Variants in ETFA observed in about 807,000 individuals in gnomAD.
The protein encoded by ETFA is electron transfer flavoprotein subunit alpha.
Under a neutral mutation model 46.2 loss-of-function variants are expected in ETFA, and 22 were observed. The ratio of observed to expected loss-of-function variants is 0.48; its 90% CI spans 0.34 to 0.68. ETFA has a LOEUF of 0.68. ETFA is among the 30% of genes least tolerant of loss of function. ETFA has a pLI of 0.01. For synonymous variants in ETFA, 131 were observed against 139.9 expected (o/e 0.94, Z 0.45); for missense variants, 345 against 401.1 (o/e 0.86, Z 1.19).
chr15:76,234,566 T>A (rs2456058), intron 9 of ETFA, among the ~76,000 whole-genome samples: 9 of 152,032 alleles, frequency 5.9e-5, no homozygotes, highest in African/African-American at 2.2e-4. Context: ...CAAGGCGTGG[T>A]GGGGGACGGT....
intron 11 of ETFA, 37 bp from the exon 12 acceptor site, chr15:76,216,634 G>A (rs1424985680): frequency 3.7e-6 from 5 of 1,358,570 alleles, no homozygotes; most frequent in Non-Finnish European, 4.2e-6. Flanking sequence ...AGCAACTAGA[G>A]CCTTCACTGT....
intron 1 of ETFA, among the ~76,000 whole-genome samples, chr15:76,297,733 T>G (rs1313100489): frequency 6.6e-6 from 1 of 152,196 alleles, no homozygotes; most frequent in African/African-American, 2.4e-5. Flanking sequence ...AAAGAACATA[T>G]TTAAGAACCC....
chr15:76,253,090 A>C (rs2039316169), intron 9 of ETFA, among the ~76,000 whole-genome samples: 1 of 152,094 alleles, frequency 6.6e-6, no homozygotes, highest in Admixed American at 6.6e-5. Context: ...TACTGCTTTT[A>C]ATTTTCAACT....
chr15:76,297,937 T>C (rs1453249916), intron 1 of ETFA, among the ~76,000 whole-genome samples: 1 of 152,116 alleles, frequency 6.6e-6, no homozygotes, highest in Non-Finnish European at 1.5e-5. Flanking sequence ...AATTCAGCAA[T>C]AGCGGTTGTG....
At chr15:76,231,232 T>G in intron 10 of ETFA, 101 bp downstream of exon 10, 1 of 794,296 alleles carries the variant, frequency 1.3e-6, no homozygotes, top group Non-Finnish European at 2.3e-6. Flanking sequence ...TTAGTGTGAA[T>G]GGCTTGACTA....
At chr15:76,281,383 C>G (rs1045250243) in intron 8 of ETFA, among the ~76,000 whole-genome samples, 5 of 152,078 alleles carry the variant, frequency 3.3e-5, no homozygotes, top group Non-Finnish European at 5.9e-5. Flanking sequence ...CTCCACCCCC[C>G]ATAACCCATC....
chr15:76,258,625 A>G (rs925125704), intron 9 of ETFA, among the ~76,000 whole-genome samples: 2 of 152,254 alleles, frequency 1.3e-5, no homozygotes, highest in African/African-American at 4.8e-5. Flanking sequence ...CAGCAGGAGC[A>G]GCTCAGCGGG....
At chr15:76,259,988 C>T in intron 9 of ETFA, 1 of 1,453,690 alleles carries the variant, frequency 6.9e-7, no homozygotes, top group Non-Finnish European at 9.6e-7. Flanking sequence ...TGGTCAAACT[C>T]CTTCATGCAA....
intron 2 of ETFA, among the ~76,000 whole-genome samples, chr15:76,294,024 G>A (rs968798590): frequency 9.2e-5 from 14 of 152,160 alleles, no homozygotes; most frequent in Admixed American, 2.0e-4. Context: ...AGAATAACTT[G>A]CTGTTTATGA....
Position 76,225,873 on chromosome 15 carries a change from A to G in ETFA, c.939T>C (p.Tyr313=), listed in dbSNP as rs2038998943. The part of the protein sequence containing the change: ...PEAPIFQVAD[Y]GIVADLFKVV... ...CCTTAAATAAATCTGCAACTATTCC[A>G]TAATCTGCCACTTGGAAAATTGGAG... is the stretch of plus-strand genomic sequence containing the variant. The change falls in exon 11 of 12, where the codon TAT becomes TAC. Residue 313 remains tyrosine, a synonymous_variant. Transcript: ENST00000557943. 1 of 1,610,774 alleles carries G rather than the reference A, an allele frequency of 6.2e-7. No individual in the cohort carries two copies. Among genetic ancestry groups the G allele is most frequent in the African/African-American group, 1.3e-5 (1 of 74,978 alleles).
chr15:76,244,475 C>T (rs1693068173), intron 9 of ETFA, among the ~76,000 whole-genome samples: 1 of 152,066 alleles, frequency 6.6e-6, no homozygotes, highest in Admixed American at 6.5e-5. Context: ...TGTTATTAAA[C>T]TCTTCTTCTC....
At chr15:76,240,856 G>A (rs1370524703) in intron 9 of ETFA, among the ~76,000 whole-genome samples, 2 of 151,684 alleles carry the variant, frequency 1.3e-5, no homozygotes, top group African/African-American at 4.8e-5. Context: ...AGGCTGCAGT[G>A]AACTATGGTC....
At chr15:76,277,280 A>C (rs765661503) in intron 8 of ETFA, among the ~76,000 whole-genome samples, 7 of 152,164 alleles carry the variant, frequency 4.6e-5, no homozygotes, top group Non-Finnish European at 1.0e-4. Flanking sequence ...CCCACAAGTT[A>C]ATCTCTGGTT....
At chr15:76,236,533 AC>A (rs1399657825) in intron 9 of ETFA, among the ~76,000 whole-genome samples, 3 of 152,166 alleles carry the variant, frequency 2.0e-5, no homozygotes, top group Non-Finnish European at 4.4e-5. Context: ...AGATCTAAAG[AC>A]AGAATGGCAT....
At chr15:76,260,010 G>A in intron 9 of ETFA, 1 of 1,472,696 alleles carries the variant, frequency 6.8e-7, no homozygotes, top group Non-Finnish European at 9.5e-7. Context: ...CTGCTTTCCT[G>A]AGGAACTCTT....
intron 4 of ETFA, among the ~76,000 whole-genome samples, chr15:76,290,406 G>A (rs2039749987): frequency 7.2e-6 from 1 of 139,400 alleles, no homozygotes; most frequent in Non-Finnish European, 1.5e-5. Context: ...GTGCAGCAGT[G>A]TAATCTCAGC....
chr15:76,266,302 TAAC>T (rs1457766120), intron 9 of ETFA, among the ~76,000 whole-genome samples: 3 of 152,148 alleles, frequency 2.0e-5, no homozygotes, highest in African/African-American at 4.8e-5. Context: ...CCATAAATAA[TAAC>T]AAACCAGTGC....
At chr15:76,308,801 G>C (rs913595029) in intron 1 of ETFA, among the ~76,000 whole-genome samples, 1 of 152,198 alleles carries the variant, frequency 6.6e-6, no homozygotes, top group African/African-American at 2.4e-5. Context: ...GCCAATTACA[G>C]TGTAGTTAGA....
chr15:76,273,026 G>A (rs2039554731), intron 9 of ETFA, among the ~76,000 whole-genome samples: 1 of 152,054 alleles, frequency 6.6e-6, no homozygotes, highest in African/African-American at 2.4e-5. Flanking sequence ...CTTCAAGTAA[G>A]TTGAGTAACA....
Sources: allele counts gnomAD v4.1 joint callset (sites outside exome capture counted in the v4.1 genomes callset), GRCh38; gene constraint gnomAD v4.1.1; transcripts MANE v1.5; gene names NCBI Gene and HGNC (gene_info 2026-07-23, HGNC 2026-07-21).